The following ZC3H12B variants were observed in gnomAD, a reference collection of about 807,000 sequenced individuals.
ZC3H12B encodes probable ribonuclease ZC3H12B.
Under a neutral mutation model 43.9 loss-of-function variants are expected in ZC3H12B, and 7 were observed. The ratio of observed to expected loss-of-function variants is 0.16; its 90% CI spans 0.09 to 0.30. The LOEUF (loss-of-function observed/expected upper bound fraction) is 0.30, where lower values mean the gene tolerates loss of function less well. Ranked by LOEUF, ZC3H12B falls within the 10% of genes least tolerant of loss-of-function variation. The pLI, the probability that ZC3H12B is intolerant of heterozygous loss-of-function variation, is 1.00. For synonymous variants in ZC3H12B, 222 were observed against 241.7 expected, an observed-to-expected ratio of 0.92 and a Z score of 0.76; for missense variants, 475 against 670.2, an observed-to-expected ratio of 0.71 and a Z score of 3.22.
intron 3 of ZC3H12B, among the ~76,000 whole-genome samples, chrX:65,403,816 A>C (rs192937727): frequency 8.9e-6 from 1 of 112,022 alleles, no homozygotes; most frequent in Admixed American, 9.5e-5. Flanking sequence ...CCTATGGGAA[A>C]TGTTTAAGGG....
At chrX:65,116,794 C>T in the ZC3H12B span, among the ~76,000 whole-genome samples, 1 of 110,254 alleles carries the variant, frequency 9.1e-6, no homozygotes, top group Admixed American at 9.7e-5. Context: ...CAATTCCAAC[C>T]TATGGGAACA....
the ZC3H12B span, among the ~76,000 whole-genome samples, chrX:65,192,354 G>C: frequency 1.8e-5 from 2 of 110,573 alleles, no homozygotes; most frequent in Non-Finnish European, 3.8e-5. Context: ...TCTTTTTGTT[G>C]TCTGATTGCT....
At chrX:65,269,259 C>G in the ZC3H12B span, among the ~76,000 whole-genome samples, 52 of 109,631 alleles carry the variant, frequency 4.7e-4, no homozygotes, top group African/African-American at 1.7e-3. Context: ...GCAGGAAAAT[C>G]TCTTGAAACC....
chrX:65,100,588 A>C, the ZC3H12B span, among the ~76,000 whole-genome samples: 1 of 103,310 alleles, frequency 9.7e-6, no homozygotes, highest in Non-Finnish European at 2.0e-5. Context: ...AAAAAAAAAA[A>C]AAAAAACAGG....
chrX:65,059,229 C>CCA, the ZC3H12B span, among the ~76,000 whole-genome samples: 15 of 86,296 alleles, frequency 1.7e-4, no homozygotes, highest in African/African-American at 6.4e-4. Context: ...ACCCCCCCCC[C>CCA]GCCCCAGTTT....
chrX:65,228,810 G>C, the ZC3H12B span, among the ~76,000 whole-genome samples: 1 of 111,491 alleles, frequency 9.0e-6, no homozygotes, highest in Non-Finnish European at 1.9e-5. Context: ...AAAATACCTA[G>C]GAATCCAACT....
the ZC3H12B span, among the ~76,000 whole-genome samples, chrX:65,204,714 A>T: frequency 1.8e-5 from 2 of 112,009 alleles, no homozygotes; most frequent in Non-Finnish European, 3.8e-5. Context: ...AGGTAGCTCG[A>T]TTTCTAAACT....
chrX:65,084,242 G>C, the ZC3H12B span, among the ~76,000 whole-genome samples: 1 of 111,742 alleles, frequency 8.9e-6, no homozygotes, highest in East Asian at 2.8e-4. Flanking sequence ...GGCAGCCAAA[G>C]CGAAAACAAA....
the ZC3H12B span, among the ~76,000 whole-genome samples, chrX:65,326,109 T>C: frequency 9.0e-6 from 1 of 111,401 alleles, no homozygotes; most frequent in Non-Finnish European, 1.9e-5. Context: ...GAAGAAAGCA[T>C]AGGGGCCTGA....
chrX:65,460,611 G>C (rs1345249156), intron 3 of ZC3H12B, among the ~76,000 whole-genome samples: 2 of 112,032 alleles, frequency 1.8e-5, no homozygotes, highest in South Asian at 3.7e-4. Context: ...AATGGGGAAA[G>C]GATTCCCTAT....
the ZC3H12B span, among the ~76,000 whole-genome samples, chrX:65,132,727 T>C: frequency 9.0e-6 from 1 of 111,279 alleles, no homozygotes; most frequent in Admixed American, 9.5e-5. Context: ...TGGCTGTCAA[T>C]ACCCACAACA....
At chrX:65,074,783 G>A in the ZC3H12B span, among the ~76,000 whole-genome samples, 1 of 111,524 alleles carries the variant, frequency 9.0e-6, no homozygotes, top group South Asian at 3.7e-4. Flanking sequence ...TTCACTTATT[G>A]TATTCTTTAG....
At chrX:65,351,585 A>G in the ZC3H12B span, among the ~76,000 whole-genome samples, 13 of 112,644 alleles carry the variant, frequency 1.2e-4, no homozygotes, top group Non-Finnish European at 2.2e-4. Flanking sequence ...AAGGGCTAAT[A>G]TCCAGAATCT....
the ZC3H12B span, among the ~76,000 whole-genome samples, chrX:65,214,211 A>T: frequency 1.8e-5 from 2 of 111,273 alleles, no homozygotes; most frequent in Admixed American, 1.9e-4. Context: ...GCTCAACATT[A>T]GGGTGGCTGT....
At chrX:65,283,823 A>T in the ZC3H12B span, among the ~76,000 whole-genome samples, 1 of 112,006 alleles carries the variant, frequency 8.9e-6, no homozygotes, top group Non-Finnish European at 1.9e-5. Flanking sequence ...TGTTGCTACT[A>T]GGATGGGGAG....
the ZC3H12B span, among the ~76,000 whole-genome samples, chrX:65,342,319 A>G: frequency 2.7e-5 from 3 of 111,823 alleles, no homozygotes; most frequent in African/African-American, 9.8e-5. Context: ...ATAGACATCT[A>G]CAGAACTCTT....
At chrX:65,171,814 G>T in the ZC3H12B span, among the ~76,000 whole-genome samples, 1 of 111,282 alleles carries the variant, frequency 9.0e-6, no homozygotes, top group Non-Finnish European at 1.9e-5. Flanking sequence ...AACGAGTGAG[G>T]CTCCATGGGC....
At chrX:65,423,946 T>C (rs1335462310) in intron 3 of ZC3H12B, among the ~76,000 whole-genome samples, 1 of 112,222 alleles carries the variant, frequency 8.9e-6, no homozygotes, top group Non-Finnish European at 1.9e-5. Context: ...ATGTGTTCCA[T>C]TGATACCTAG....
chrX:65,152,794 A>G, the ZC3H12B span, among the ~76,000 whole-genome samples: 1 of 111,996 alleles, frequency 8.9e-6, no homozygotes, highest in Admixed American at 9.5e-5. Flanking sequence ...AAGCCAAAGG[A>G]ACAAAGCTGG....
Sources: allele counts gnomAD v4.1 joint callset (sites outside exome capture counted in the v4.1 genomes callset), GRCh38; gene constraint gnomAD v4.1.1; transcripts MANE v1.5; gene names NCBI Gene and HGNC (gene_info 2026-07-23, HGNC 2026-07-21).